The following DNAAF6 variants were observed in gnomAD, a reference collection of about 807,000 sequenced individuals.
The protein encoded by DNAAF6 is dynein axonemal assembly factor 6.
Under a neutral mutation model 13.7 loss-of-function variants are expected in DNAAF6, and 3 were observed. That is an observed-to-expected ratio of 0.22 (90% CI 0.10 to 0.56). The LOEUF (loss-of-function observed/expected upper bound fraction) is 0.56, where lower values mean the gene tolerates loss of function less well. Among genes scored for constraint, DNAAF6 ranks in the 20% least tolerant of loss-of-function variants. DNAAF6 has a pLI of 0.92. For missense variants in DNAAF6, 130 were observed against 151.0 expected (o/e 0.86, Z 0.73); for synonymous variants, 54 against 49.2 (o/e 1.10, Z -0.41).
At chrX:107,242,164 TG>T (rs1478181828) in intron 6 of DNAAF6, among the ~76,000 whole-genome samples, 2 of 111,878 alleles carry the variant, frequency 1.8e-5, no homozygotes, top group African/African-American at 3.2e-5. Flanking sequence ...CCACATGGAA[TG>T]GAACAAGAGT....
chrX:107,213,723 C>T (rs1308535542), intron 2 of DNAAF6, among the ~76,000 whole-genome samples: 1 of 111,590 alleles, frequency 9.0e-6, no homozygotes, highest in Non-Finnish European at 1.9e-5. Context: ...TAACTCCCTG[C>T]TCTCCATTCT....
At chrX:107,223,178 G>A (rs1018149865) in intron 5 of DNAAF6, among the ~76,000 whole-genome samples, 1 of 111,226 alleles carries the variant, frequency 9.0e-6, no homozygotes, top group Non-Finnish European at 1.9e-5. Context: ...CCAACTGATT[G>A]GTTATTAACT....
At chrX:107,238,887 G>T (rs1285868879) in intron 5 of DNAAF6, 35 bp from the exon 6 acceptor site, 1 of 1,201,055 alleles carries the variant, frequency 8.3e-7, no homozygotes, top group Non-Finnish European at 1.1e-6. Flanking sequence ...TGCTCTCCAA[G>T]ATATCACTAT....
At chrX:107,238,780 C>A (rs1036306767) in intron 5 of DNAAF6, 142 bp from the exon 6 acceptor site, 1 of 1,005,346 alleles carries the variant, frequency 9.9e-7, no homozygotes, top group Non-Finnish European at 1.3e-6. Flanking sequence ...ATCTCTGCTG[C>A]TCAAGATTGA....
chrX:107,222,243 A>G (rs1928162620), intron 4 of DNAAF6, among the ~76,000 whole-genome samples: 1 of 111,656 alleles, frequency 9.0e-6, no homozygotes, highest in South Asian at 3.8e-4. Context: ...ATACAAATGT[A>G]GAAACTGAGA....
At chrX:107,221,668 T>C (rs1379420116) in intron 4 of DNAAF6, among the ~76,000 whole-genome samples, 1 of 111,656 alleles carries the variant, frequency 9.0e-6, no homozygotes, top group East Asian at 2.8e-4. Context: ...AATGAACATA[T>C]AGATCAATCC....
intron 1 of DNAAF6, among the ~76,000 whole-genome samples, chrX:107,209,175 G>A (rs1927791733): frequency 9.0e-6 from 1 of 111,484 alleles, no homozygotes; most frequent in Non-Finnish European, 1.9e-5. Flanking sequence ...CATAGGCAGA[G>A]ATGATATCAC....
chrX:107,220,938 T>C lies in DNAAF6; in HGVS notation c.333-1807T>C, dbSNP rs1036890650. Among the ~76,000 whole-genome samples, 4 of 83,315 alleles carry C rather than the reference T, an allele frequency of 4.8e-5. No individual in the cohort carries two copies. The Admixed American group carries it at 6.3e-4, about 13-fold the overall frequency. 72.3% of individuals were successfully genotyped at this position (83,315 alleles called of 115,157 possible). ...TTCTTTCTTTCTTTCTTTCTTTCTT[T>C]CTTTCTTTCTTTCTTTCTTTTTCTT... On this transcript the variant is annotated intron_variant, in intron 4 of 6. Transcript: ENST00000372453.
At chrX:107,225,122 A>G (rs758020709) in intron 5 of DNAAF6, among the ~76,000 whole-genome samples, 1 of 109,078 alleles carries the variant, frequency 9.2e-6, no homozygotes, top group African/African-American at 3.3e-5. Context: ...TAACAAGAAT[A>G]AAGAGTAAGT....
At chrX:107,210,698 C>T (rs1927835957) in intron 1 of DNAAF6, among the ~76,000 whole-genome samples, 1 of 111,433 alleles carries the variant, frequency 9.0e-6, no homozygotes, top group Non-Finnish European at 1.9e-5. Context: ...GTTTGCATTA[C>T]AGACGTCAGT....
At chrX:107,231,187 G>T (rs1343348176) in intron 5 of DNAAF6, among the ~76,000 whole-genome samples, 1 of 111,499 alleles carries the variant, frequency 9.0e-6, no homozygotes, top group African/African-American at 3.3e-5. Flanking sequence ...TGGAACTGGA[G>T]ATCATTATGT....
intron 6 of DNAAF6, among the ~76,000 whole-genome samples, chrX:107,242,291 T>A (rs1389455175): frequency 8.9e-6 from 1 of 112,185 alleles, no homozygotes; most frequent in African/African-American, 3.2e-5. Flanking sequence ...TTTCAAGGGT[T>A]TTGTTTTCAA....
In DNAAF6 at chrX:107,216,584, GAA is replaced by G. The variant is rs1927991536; in HGVS notation, c.154-85_154-84del. 1.9e-5 allele frequency: 12 copies of G among 615,870 alleles called. No individual in the cohort carries two copies. In the East Asian group the frequency reaches 4.7e-4, roughly 24 times the overall value. 50.8% of individuals were successfully genotyped at this position (615,870 alleles called of 1,213,427 possible). On this transcript the variant is annotated intron_variant, in intron 2 of 6. Coordinates refer to ENST00000372453, the MANE Select transcript of DNAAF6 (RefSeq NM_173494.2). Reference sequence around the variant, plus strand: ...GGAAAGCTCCATGAGTTTTTTTATGGAAATCCTATCAAATTTAAAGTATCACT... The same window carrying G: ...GGAAAGCTCCATGAGTTTTTTTATGGATCCTATCAAATTTAAAGTATCACT...
chrX:107,223,756 A>G (rs759383355), intron 5 of DNAAF6, among the ~76,000 whole-genome samples: 1 of 111,429 alleles, frequency 9.0e-6, no homozygotes, highest in Non-Finnish European at 1.9e-5. Flanking sequence ...CTTATTAGCA[A>G]AATCTAAGAC....
chrX:107,215,448 A>G (rs1046073454), intron 2 of DNAAF6, among the ~76,000 whole-genome samples: 1 of 110,781 alleles, frequency 9.0e-6, no homozygotes, highest in Non-Finnish European at 1.9e-5. Flanking sequence ...ATTAGTGATT[A>G]AAAAAGAGGG....
At chrX:107,226,020 A>T (rs1928248555) in intron 5 of DNAAF6, among the ~76,000 whole-genome samples, 1 of 111,866 alleles carries the variant, frequency 8.9e-6, no homozygotes, top group African/African-American at 3.2e-5. Context: ...CAGTGTAATA[A>T]ACATAAAAAG....
At chrX:107,229,750 C>T (rs1214208508) in intron 5 of DNAAF6, among the ~76,000 whole-genome samples, 1 of 110,948 alleles carries the variant, frequency 9.0e-6, no homozygotes, top group Non-Finnish European at 1.9e-5. Flanking sequence ...TGCAGTAGCG[C>T]GGTCTTGGCT....
intron 5 of DNAAF6, among the ~76,000 whole-genome samples, chrX:107,231,507 T>G (rs867038378): frequency 3.6e-5 from 4 of 112,319 alleles, no homozygotes; most frequent in South Asian, 3.7e-4. Context: ...GATGATGAAT[T>G]TAATCAAATG....
intron 1 of DNAAF6, among the ~76,000 whole-genome samples, chrX:107,210,051 T>C (rs1843662750): frequency 9.0e-6 from 1 of 111,322 alleles, no homozygotes; most frequent in Non-Finnish European, 1.9e-5. Flanking sequence ...GGTAATGAGC[T>C]GGTTCTGGAG....
Sources: gnomAD v4.1 joint callset for allele counts (sites outside exome capture counted in the v4.1 genomes callset) on GRCh38, gnomAD v4.1.1 for gene constraint, MANE v1.5 for transcripts, NCBI Gene and HGNC (gene_info 2026-07-23, HGNC 2026-07-21) for gene names.